SCN10A: variants seen among roughly 807,000 people sequenced by gnomAD.
SCN10A encodes the protein sodium channel protein type 10 subunit alpha.
SCN10A carries 162 observed loss-of-function variants against 170.7 expected under a neutral mutation model. The observed-to-expected ratio is 0.95, with a 90% confidence interval of 0.84 to 1.08. The LOEUF (loss-of-function observed/expected upper bound fraction) is 1.08. SCN10A is among the 50% of genes least tolerant of loss of function. SCN10A has a pLI of 0.00. For synonymous variants in SCN10A, 985 were observed against 904.6 expected (o/e 1.09, Z -1.59); for missense variants, 2,527 against 2,436.9 (o/e 1.04, Z -0.78).
At chr3:38,724,470 A>C (rs988638197) in intron 18 of SCN10A, among the ~76,000 whole-genome samples, 1 of 152,154 alleles carries the variant, frequency 6.6e-6, no homozygotes, top group Non-Finnish European at 1.5e-5. Flanking sequence ...TGTAAGTGAA[A>C]CCACATTTAT....
Position 38,757,309 on chromosome 3 carries a change from T to A in SCN10A, c.951-150A>T. ...AGGATGATCTTGGACACTTGGTCTG[T>A]TTAGGTATTGGTTTCTGTTATCCAT... On this transcript the variant is annotated intron_variant, in intron 8 of 27. Coordinates refer to ENST00000449082, the MANE Select transcript of SCN10A (RefSeq NM_006514.4). The A allele has an allele frequency of 6.8e-6, 5 of 738,134 alleles. No homozygotes were observed. The Admixed American group carries it at 1.5e-4, about 22-fold the overall frequency. 45.7% of individuals were successfully genotyped at this position (738,134 alleles called of 1,614,324 possible). A position where few individuals can be genotyped will look rare whatever the true frequency, so the allele number is the denominator to read the frequency against.
chr3:38,786,009 A>C (rs923284479), intron 4 of SCN10A, among the ~76,000 whole-genome samples: 1 of 152,162 alleles, frequency 6.6e-6, no homozygotes, highest in Non-Finnish European at 1.5e-5. Context: ...GAGAGATAGG[A>C]ATGCTTTTAC....
intron 15 of SCN10A, among the ~76,000 whole-genome samples, chr3:38,738,553 ACCTT>A (rs1476786752): frequency 6.6e-6 from 1 of 152,068 alleles, no homozygotes; most frequent in East Asian, 1.9e-4. Flanking sequence ...ACTTGTCAGG[ACCTT>A]GGGAAGATTG....
Position 38,698,362 on chromosome 3 carries a change from T to A in SCN10A, c.4858A>T (p.Ile1620Phe), listed in dbSNP as rs1402339832. Residue 1620 changes from isoleucine (I) to phenylalanine (F), a missense_variant, in exon 28 of 28, where the codon ATC (isoleucine) becomes TTC (phenylalanine). By Grantham distance (21) the Ile-to-Phe change is conservative. Transcript: ENST00000449082. ...CTGGACATACCGAAGATAGAGTAGATGAACATGACAAGGAATAGCAACAGC... is the reference window on the plus strand; with the variant it reads ...CTGGACATACCGAAGATAGAGTAGAAGAACATGACAAGGAATAGCAACAGC... ...IGLLLFLVMF[I>F]YSIFGMSSFP... The A allele has an allele frequency of 6.2e-6, 10 of 1,613,942 alleles. No homozygotes were observed. The highest frequency in any genetic ancestry group is 8.5e-6 in the Non-Finnish European group (10 of 1,180,018).
intron 2 of SCN10A, 112 bp from the exon 3 acceptor site, chr3:38,792,280 C>A: frequency 7.4e-7 from 1 of 1,357,390 alleles, no homozygotes; most frequent in Non-Finnish European, 1.0e-6. Flanking sequence ...AAGAAGGGCT[C>A]TGGGAACTAC....
At position 38,702,075 on chromosome 3, in the gene SCN10A, G is replaced by C; in HGVS notation, c.4421C>G (p.Thr1474Ser). ...KFQGFVFDIV[T>S]RQAFDITIMV... ...GATGGTGATGTCAAAAGCTTGTCTG[G>C]TCACGATGTCAAAGACAAAACCCTG... Residue 1474 changes from threonine (T) to serine (S), a missense_variant, in exon 27 of 28, where the codon ACC becomes AGC. Transcript: ENST00000449082. 6.3e-7 allele frequency: 1 copy of C among 1,575,772 alleles called. No individual in the cohort carries two copies. The highest frequency in any genetic ancestry group is 1.4e-5 in the African/African-American group (1 of 73,552).
In SCN10A at chr3:38,707,172, C is replaced by A; in HGVS notation, c.4386+107G>T. Reference sequence around the variant, plus strand: ...CCCTCATCCCAACGTCAACCCAGATCTTCTCTTCCATAAACAGCACTCCCT... The same window carrying A: ...CCCTCATCCCAACGTCAACCCAGATATTCTCTTCCATAAACAGCACTCCCT... On this transcript the variant is annotated intron_variant, in intron 26 of 27. Transcript: ENST00000449082. 4 of 1,199,196 alleles carry A rather than the reference C, an allele frequency of 3.3e-6. No individual in the cohort carries two copies. In the South Asian group the frequency reaches 6.1e-5, roughly 18 times the overall value. 74.3% of individuals were successfully genotyped at this position (1,199,196 alleles called of 1,614,324 possible). A position where few individuals can be genotyped will look rare whatever the true frequency, so the allele number is the denominator to read the frequency against.
chr3:38,697,629 C>A lies in SCN10A; in HGVS notation c.5591G>T (p.Ser1864Ile). Reference sequence around the variant, plus strand: ...TGCCATGGAGCGGTGCAGCACATAGCTCCGATAGGCCTTTTGAATGACAGT... The same window carrying A: ...TGCCATGGAGCGGTGCAGCACATAGATCCGATAGGCCTTTTGAATGACAGT... ...SATVIQKAYRSYVLHRSMALS... is the reference protein window; with the variant it reads ...SATVIQKAYRIYVLHRSMALS... The change falls in exon 28 of 28, where the codon AGC becomes ATC. Residue 1864 changes from serine (S) to isoleucine (I), a missense_variant. Coordinates refer to ENST00000449082, the MANE Select transcript of SCN10A (RefSeq NM_006514.4). 6.2e-7 allele frequency: 1 copy of A among 1,614,192 alleles called. No individual in the cohort carries two copies. The highest frequency in any genetic ancestry group is 8.5e-7 in the Non-Finnish European group (1 of 1,180,038).
At chr3:38,738,654 G>A (rs892795642) in intron 15 of SCN10A, among the ~76,000 whole-genome samples, 1 of 152,122 alleles carries the variant, frequency 6.6e-6, no homozygotes, top group African/African-American at 2.4e-5. Flanking sequence ...GAGAGCAGGC[G>A]GCCTGCGCTA....
chr3:38,743,188 A>G (rs1033040470), intron 13 of SCN10A, among the ~76,000 whole-genome samples: 1 of 152,148 alleles, frequency 6.6e-6, no homozygotes, highest in Non-Finnish European at 1.5e-5. Flanking sequence ...AATATAGACT[A>G]GTTCACAAAA....
At chr3:38,780,991 G>A (rs1483088148) in intron 4 of SCN10A, among the ~76,000 whole-genome samples, 5 of 152,066 alleles carry the variant, frequency 3.3e-5, no homozygotes, top group African/African-American at 4.8e-5. Context: ...AGAACTCATC[G>A]TTGACCATTC....
intron 24 of SCN10A, 29 bp downstream of exon 24, chr3:38,710,815 G>A (rs752918908): frequency 5.0e-6 from 8 of 1,604,044 alleles, no homozygotes; most frequent in Non-Finnish European, 6.8e-6. Context: ...CAGAGGGGAA[G>A]GCTGTAGGGA....
intron 26 of SCN10A, among the ~76,000 whole-genome samples, chr3:38,702,831 A>G (rs963610578): frequency 2.6e-5 from 4 of 152,188 alleles, no homozygotes; most frequent in African/African-American, 9.7e-5. Context: ...GATAACCAAG[A>G]GATCATTTAT....
intron 26 of SCN10A, among the ~76,000 whole-genome samples, chr3:38,704,114 A>G (rs1313961614): frequency 6.6e-6 from 1 of 152,198 alleles, no homozygotes; most frequent in East Asian, 1.9e-4. Flanking sequence ...AACCTGTCTG[A>G]TCCCTTCCAG....
Position 38,740,885 on chromosome 3 carries a change from T to C in SCN10A, c.2107-1197A>G, listed in dbSNP as rs149399848. On this transcript the variant is annotated intron_variant, in intron 14 of 27. Transcript: ENST00000449082. ...TGTAGAATGAGGGTGTGGGCTCAAA[T>C]GTCTATTCCATAAGGCCCTCTGTGG... 2.4e-3 allele frequency among the ~76,000 whole-genome samples: 365 copies of C among 152,322 alleles called. 3 individuals carry two copies. Among genetic ancestry groups the C allele is most frequent in the African/African-American group, 7.8e-3 (324 of 41,578 alleles).
At chr3:38,751,400 T>C (rs757133463) in intron 12 of SCN10A, among the ~76,000 whole-genome samples, 1 of 152,226 alleles carries the variant, frequency 6.6e-6, no homozygotes, top group Non-Finnish European at 1.5e-5. Context: ...TATTAGCCCA[T>C]CGGAGTGGTC....
chr3:38,767,082 T>C (rs1008846167), intron 5 of SCN10A, among the ~76,000 whole-genome samples: 3 of 152,000 alleles, frequency 2.0e-5, no homozygotes, highest in African/African-American at 2.4e-5. Flanking sequence ...TTGTAATATC[T>C]CCCATTTTAT....
rs2063712421 is a variant in SCN10A, at chr3:38,748,197, C to T, written c.1867+1876G>A. Among the ~76,000 whole-genome samples, 3 of 152,076 alleles carry T rather than the reference C, an allele frequency of 2.0e-5. No homozygotes were observed. In the South Asian group the frequency reaches 6.2e-4, roughly 32 times the overall value. ...AACAAACAAACAAAAACCAAGAAAC[C>T]TATCTGGCCAAGAAAGAAATTGTGG... On this transcript the variant is annotated intron_variant, in intron 13 of 27. Coordinates refer to ENST00000449082, the MANE Select transcript of SCN10A (RefSeq NM_006514.4).
At chr3:38,751,004 C>T (rs536846404) in intron 12 of SCN10A, among the ~76,000 whole-genome samples, 2 of 152,336 alleles carry the variant, frequency 1.3e-5, no homozygotes, top group South Asian at 4.1e-4. Context: ...TCTCCACTGT[C>T]TCTGTTCCTG....
Sources: allele counts gnomAD v4.1 joint callset (sites outside exome capture counted in the v4.1 genomes callset), GRCh38; gene constraint gnomAD v4.1.1; transcripts MANE v1.5; gene names NCBI Gene and HGNC (gene_info 2026-07-23, HGNC 2026-07-21).